GLDC: variants seen among roughly 807,000 people sequenced by gnomAD.
GLDC encodes the protein glycine decarboxylase.
GLDC carries 104 observed loss-of-function variants against 121.3 expected under a neutral mutation model. The observed-to-expected ratio is 0.86, with a 90% CI of 0.73 to 1.01. The LOEUF (loss-of-function observed/expected upper bound fraction) is 1.01, where lower values mean the gene tolerates loss of function less well. Among genes scored for constraint, GLDC ranks in the 50% least tolerant of loss-of-function variants. GLDC has a pLI of 0.00. For missense variants in GLDC, 1,429 were observed against 1,306.6 expected, an observed-to-expected ratio of 1.09 and a Z score of -1.44; for synonymous variants, 546 against 480.6, an observed-to-expected ratio of 1.14 and a Z score of -1.78.
At chr9:6,558,085 A>C (rs923254321) in intron 17 of GLDC, 5 of 235,974 alleles carry the variant, frequency 2.1e-5, no homozygotes, top group Admixed American at 1.0e-4. Flanking sequence ...GTTGCTAAGC[A>C]ACTTCTTCCT....
intron 2 of GLDC, among the ~76,000 whole-genome samples, chr9:6,631,122 G>T: frequency 6.6e-6 from 1 of 152,232 alleles, no homozygotes; most frequent in South Asian, 2.1e-4. Flanking sequence ...CGGCACGCAG[G>T]CCCAACCTGG....
At chr9:6,621,743 T>C (rs1388846631) in intron 2 of GLDC, among the ~76,000 whole-genome samples, 2 of 152,120 alleles carry the variant, frequency 1.3e-5, no homozygotes, top group African/African-American at 4.8e-5. Flanking sequence ...GTCTCGAACT[T>C]CTGACTTCGT....
chr9:6,559,161 C>T (rs750062639), intron 16 of GLDC, among the ~76,000 whole-genome samples: 10 of 152,086 alleles, frequency 6.6e-5, no homozygotes, highest in Admixed American at 2.0e-4. Flanking sequence ...CAATATTTAT[C>T]GGATGTTTAC....
chr9:6,644,864 C>A lies in GLDC; in HGVS notation c.256-172G>T, dbSNP rs1017230646. On this transcript the variant is annotated intron_variant, in intron 1 of 24. Transcript: ENST00000321612. ...CAGAATGATTTGGAGGAAAGAAAAT[C>A]GTGAAGTGGGGTGGAGATTCCGCCA... The A allele has an allele frequency of 1.7e-5, 11 of 658,234 alleles. No homozygotes were observed. The African/African-American group carries it at 1.8e-4, about 11-fold the overall frequency. 40.8% of individuals were successfully genotyped at this position (658,234 alleles called of 1,614,324 possible). A position where few individuals can be genotyped will look rare whatever the true frequency, so the allele number is the denominator to read the frequency against.
chr9:6,633,821 CTTTTTTTTTTTT>C (rs1156711956), intron 2 of GLDC, among the ~76,000 whole-genome samples: 2 of 89,458 alleles, frequency 2.2e-5, no homozygotes, highest in Non-Finnish European at 2.0e-5. Flanking sequence ...GCAGGAGAAT[CTTTTTTTTTTTT>C]TTTTTTTTTT....
chr9:6,534,959 T>G (rs1817091481), intron 23 of GLDC, among the ~76,000 whole-genome samples, 171 bp from the exon 24 acceptor site: 1 of 152,192 alleles, frequency 6.6e-6, no homozygotes, highest in Non-Finnish European at 1.5e-5. Context: ...ATTTTAAATA[T>G]CAGAACGTTA....
chr9:6,645,306 C>T lies in GLDC; in HGVS notation c.194G>A (p.Arg65Gln), dbSNP rs753246480. 11 of 1,596,204 alleles carry T rather than the reference C, an allele frequency of 6.9e-6. No homozygotes were observed. The Admixed American group carries it at 1.9e-4, about 27-fold the overall frequency. The change falls in exon 1 of 25, where the codon CGG becomes CAG. Residue 65 changes from arginine to glutamine, a missense_variant. By Grantham distance (43) the Arg-to-Gln change is conservative. Transcript: ENST00000321612. ...RLLPRHDDFA[R>Q]RHIGPGDKDQ... Reference sequence around the variant, plus strand: ...TTTGTCCCCAGGGCCGATGTGCCTCCGAGCGAAGTCGTCGTGTCTGGGCAG... The same window carrying T: ...TTTGTCCCCAGGGCCGATGTGCCTCTGAGCGAAGTCGTCGTGTCTGGGCAG...
intron 4 of GLDC, among the ~76,000 whole-genome samples, chr9:6,608,503 G>A (rs947653436): frequency 2.0e-5 from 3 of 150,628 alleles, no homozygotes; most frequent in Non-Finnish European, 4.4e-5. Context: ...CAATTTGGGA[G>A]GCCGAGGCGG....
intron 9 of GLDC, among the ~76,000 whole-genome samples, chr9:6,593,286 T>TATATATATATATATATAA (rs1333210071): frequency 9.3e-5 from 14 of 150,606 alleles, no homozygotes; most frequent in African/African-American, 3.4e-4. Flanking sequence ...TATATATATA[T>TATATATATATATATATAA]AAAATTATAC....
At chr9:6,576,989 T>G (rs991153094) in intron 15 of GLDC, among the ~76,000 whole-genome samples, 1 of 152,222 alleles carries the variant, frequency 6.6e-6, no homozygotes, top group East Asian at 1.9e-4. Flanking sequence ...CTTGAGCTGA[T>G]GAATTCTCTC....
intron 15 of GLDC, among the ~76,000 whole-genome samples, chr9:6,582,737 G>A (rs1295961997): frequency 6.6e-6 from 1 of 151,730 alleles, no homozygotes; most frequent in East Asian, 1.9e-4. Context: ...GGTGAGGCAG[G>A]AGAATGGCGT....
chr9:6,624,518 G>T (rs1819191004), intron 2 of GLDC, among the ~76,000 whole-genome samples: 1 of 152,172 alleles, frequency 6.6e-6, no homozygotes, highest in Non-Finnish European at 1.5e-5. Flanking sequence ...AGCCAACCCT[G>T]CCAACATCTT....
At chr9:6,545,316 T>A (rs749301591) in intron 21 of GLDC, among the ~76,000 whole-genome samples, 3 of 152,228 alleles carry the variant, frequency 2.0e-5, no homozygotes, top group Non-Finnish European at 4.4e-5. Context: ...TACAGCCTCT[T>A]GCTCCTACTG....
chr9:6,542,204 C>T (rs1342659228), intron 21 of GLDC: 3 of 152,330 alleles, frequency 2.0e-5, no homozygotes, highest in Non-Finnish European at 4.4e-5. Context: ...CATGCCACTG[C>T]ACTCCAGCCT....
chr9:6,599,350 A>C (rs1818553240), intron 8 of GLDC, among the ~76,000 whole-genome samples: 2 of 152,196 alleles, frequency 1.3e-5, no homozygotes. Flanking sequence ...AGGAGCAGTC[A>C]GCTGCACCGA....
intron 19 of GLDC, among the ~76,000 whole-genome samples, chr9:6,554,085 C>A (rs1255434661): frequency 6.6e-6 from 1 of 152,176 alleles, no homozygotes; most frequent in Non-Finnish European, 1.5e-5. Flanking sequence ...GAGACTGAAG[C>A]AGCTCAGGAA....
intron 3 of GLDC, among the ~76,000 whole-genome samples, chr9:6,617,623 G>A (rs1818991225): frequency 6.6e-6 from 1 of 152,140 alleles, no homozygotes; most frequent in African/African-American, 2.4e-5. Flanking sequence ...TGATTTTCCT[G>A]TCCCCTTATT....
At chr9:6,635,279 G>T (rs1819478099) in intron 2 of GLDC, among the ~76,000 whole-genome samples, 1 of 152,156 alleles carries the variant, frequency 6.6e-6, no homozygotes, top group African/African-American at 2.4e-5. Flanking sequence ...GTGCAGAATG[G>T]AAGCAGATGG....
chr9:6,614,226 T>C (rs1818923544), intron 3 of GLDC, among the ~76,000 whole-genome samples: 1 of 151,966 alleles, frequency 6.6e-6, no homozygotes, highest in Admixed American at 6.6e-5. Flanking sequence ...TAAGAAGCAC[T>C]GGCTTTTGGT....
Sources: allele counts gnomAD v4.1 joint callset (sites outside exome capture counted in the v4.1 genomes callset), GRCh38; gene constraint gnomAD v4.1.1; transcripts MANE v1.5; gene names NCBI Gene and HGNC (gene_info 2026-07-23, HGNC 2026-07-21).